Variants in SCP2 observed in about 807,000 individuals in gnomAD.
SCP2 encodes SCP-2/3-oxoacyl-CoA thiolase.
Under a neutral mutation model 71.4 loss-of-function variants are expected in SCP2, and 48 were observed. That is an observed-to-expected ratio of 0.67 (90% CI 0.53 to 0.86). The LOEUF (loss-of-function observed/expected upper bound fraction) is 0.86, where lower values mean the gene tolerates loss of function less well. SCP2 is among the 40% of genes least tolerant of loss of function. SCP2 has a pLI of 0.00. For missense variants in SCP2, 560 were observed against 655.6 expected, an observed-to-expected ratio of 0.85 and a Z score of 1.59; for synonymous variants, 220 against 218.1, an observed-to-expected ratio of 1.01 and a Z score of -0.08.
At position 52,980,488 on chromosome 1, in the gene SCP2, T is replaced by C. The variant is rs1658389822; in HGVS notation, c.918T>C (p.Asp306=). 6.2e-7 allele frequency: 1 copy of C among 1,613,918 alleles called. No homozygotes were observed. The highest frequency in any genetic ancestry group is 8.5e-7 in the Non-Finnish European group (1 of 1,179,914). The change falls in exon 10 of 16, where the codon GAT becomes GAC. Residue 306 remains aspartate, a synonymous_variant. Coordinates refer to ENST00000371514, the MANE Select transcript of SCP2 (RefSeq NM_002979.5). ...ATATTGACGTAATAGAACTTCACGA[T>C]TGCTTTTCTACCAACGAACTCCTTA... ...PNDIDVIELH[D]CFSTNELLTY... is the part of the protein sequence containing the mutation.
chr1:52,950,355 C>T (rs908557647), intron 3 of SCP2, among the ~76,000 whole-genome samples: 27 of 152,228 alleles, frequency 1.8e-4, no homozygotes, highest in Non-Finnish European at 2.9e-4. Context: ...CTCCTGACCG[C>T]GTGATCTGCC....
intron 6 of SCP2, among the ~76,000 whole-genome samples, chr1:52,974,417 A>C (rs1485811509): frequency 6.6e-6 from 1 of 152,186 alleles, no homozygotes; most frequent in East Asian, 1.9e-4. Context: ...CTCTCAGTCT[A>C]GCGTACTGGG....
rs988657618 is a variant in SCP2 at position 53,005,400 on chromosome 1, C to T, written c.1082-9490C>T. Reference sequence around the variant, plus strand: ...GGGGCTGACCAACACCTCATACAGCCGGGTGTCCCTCTGAGATGAAGCATC... The same window carrying T: ...GGGGCTGACCAACACCTCATACAGCTGGGTGTCCCTCTGAGATGAAGCATC... On this transcript the variant is annotated intron_variant, in intron 11 of 15. Transcript: ENST00000371514. Among the ~76,000 whole-genome samples, 8 of 152,238 alleles carry T rather than the reference C, an allele frequency of 5.3e-5. No homozygotes were observed. In the South Asian group the frequency reaches 1.0e-3, roughly 20 times the overall value.
intron 11 of SCP2, 24 bp downstream of exon 11, chr1:52,988,160 A>G (rs1384438822): frequency 1.5e-5 from 17 of 1,166,344 alleles, no homozygotes; most frequent in Non-Finnish European, 1.9e-5. Flanking sequence ...CAGATTTCAT[A>G]CATTTTAAAA....
intron 11 of SCP2, among the ~76,000 whole-genome samples, chr1:52,997,005 G>T (rs1487433126): frequency 6.6e-6 from 1 of 151,418 alleles, no homozygotes; most frequent in African/African-American, 2.4e-5. Flanking sequence ...ATGTGACATT[G>T]CTCCAAGAGC....
intron 10 of SCP2, among the ~76,000 whole-genome samples, chr1:52,986,915 AT>A (rs1372348535): frequency 6.7e-6 from 1 of 150,268 alleles, no homozygotes; most frequent in Non-Finnish European, 1.5e-5. Context: ...ATATCACTTC[AT>A]TCACATGGAT....
intron 13 of SCP2, among the ~76,000 whole-genome samples, chr1:53,034,436 G>C (rs1443870121): frequency 1.3e-5 from 2 of 152,166 alleles, no homozygotes; most frequent in Admixed American, 6.5e-5. Flanking sequence ...ATTTGTGGTT[G>C]CCGGGGACTG....
chr1:52,990,111 A>G lies in SCP2; in HGVS notation c.1081+1975A>G, dbSNP rs538983773. On this transcript the variant is annotated intron_variant, in intron 11 of 15. Coordinates refer to ENST00000371514, the MANE Select transcript of SCP2 (RefSeq NM_002979.5). Reference sequence around the variant, plus strand: ...TGAGGGAAGAGAAAATTCAGTGGCCATGTGGGACAAAGATTACAGACTTTA... The same window carrying G: ...TGAGGGAAGAGAAAATTCAGTGGCCGTGTGGGACAAAGATTACAGACTTTA... Among the ~76,000 whole-genome samples the G allele has an allele frequency of 1.1e-4, 17 of 152,346 alleles. No individual in the cohort carries two copies. The East Asian group carries it at 3.3e-3, about 29-fold the overall frequency.
chr1:53,050,844 A>G lies in SCP2; in HGVS notation c.*140A>G, dbSNP rs1331013311. On this transcript the variant is annotated 3_prime_UTR_variant, in exon 16 of 16. Coordinates refer to ENST00000371514, the MANE Select transcript of SCP2 (RefSeq NM_002979.5). ...ATTTGTTTCTTAATGGGTGTGACCA[A>G]TCCTGTTTTTCCTATGCTCTGGGTG... 1.5e-5 allele frequency: 10 copies of G among 677,508 alleles called. No homozygotes were observed. Among genetic ancestry groups the G allele is most frequent in the Admixed American group, 6.4e-5 (3 of 46,652 alleles). 42.0% of individuals were successfully genotyped at this position (677,508 alleles called of 1,614,324 possible).
At chr1:53,039,480 TCA>T (rs1241813938) in intron 14 of SCP2, among the ~76,000 whole-genome samples, 1 of 152,212 alleles carries the variant, frequency 6.6e-6, no homozygotes, top group Non-Finnish European at 1.5e-5. Flanking sequence ...CTGTCCATAC[TCA>T]CAATCGCCAG....
At chr1:52,937,229 A>G (rs1482416218) in intron 1 of SCP2, among the ~76,000 whole-genome samples, 1 of 152,220 alleles carries the variant, frequency 6.6e-6, no homozygotes, top group Non-Finnish European at 1.5e-5. Context: ...GAAACATGTC[A>G]GTTTCTAACA....
intron 12 of SCP2, among the ~76,000 whole-genome samples, chr1:53,017,731 A>G (rs368286195): frequency 4.6e-5 from 7 of 152,386 alleles, no homozygotes; most frequent in East Asian, 1.9e-4. Context: ...AATTGTTTCT[A>G]TATAATGATT....
intron 5 of SCP2, among the ~76,000 whole-genome samples, chr1:52,956,605 CA>C (rs1655815200): frequency 6.6e-6 from 1 of 151,990 alleles, no homozygotes; most frequent in Non-Finnish European, 1.5e-5. Flanking sequence ...TCCTAGATGT[CA>C]GGGAAAGCAT....
chr1:52,995,531 C>A, intron 11 of SCP2: 1 of 445,486 alleles, frequency 2.2e-6, no homozygotes, highest in South Asian at 2.0e-5. Flanking sequence ...TTTGCCCTCT[C>A]ACCAGCTGTG....
intron 11 of SCP2, among the ~76,000 whole-genome samples, chr1:52,989,710 A>G (rs917671545): frequency 6.6e-5 from 10 of 152,336 alleles, no homozygotes; most frequent in Non-Finnish European, 1.5e-4. Flanking sequence ...ATTGTCGAGA[A>G]AAATCAGCCA....
intron 12 of SCP2, among the ~76,000 whole-genome samples, chr1:53,027,262 C>T (rs551253738): frequency 6.6e-6 from 1 of 152,018 alleles, no homozygotes; most frequent in Non-Finnish European, 1.5e-5. Context: ...AACATGTTGC[C>T]CAGGCTGGTC....
intron 3 of SCP2, among the ~76,000 whole-genome samples, chr1:52,950,082 T>A (rs577537246): frequency 3.9e-5 from 6 of 152,298 alleles, no homozygotes; most frequent in Non-Finnish European, 8.8e-5. Context: ...AATCATGGCC[T>A]TTAATCACTG....
At chr1:52,961,833 T>G (rs1386850152) in intron 6 of SCP2, among the ~76,000 whole-genome samples, 2 of 152,208 alleles carry the variant, frequency 1.3e-5, no homozygotes, top group Admixed American at 1.3e-4. Flanking sequence ...GGGAAGTACC[T>G]AGAGTACTCT....
In SCP2 at chr1:52,975,697, T is replaced by A. The variant is rs529009645; in HGVS notation, c.587+865T>A. ...AAAAGTTGGCTGAATTGCAGGTGAT[T>A]TGATTTTGCTTTTAAGGAACTAGTA... On this transcript the variant is annotated intron_variant, in intron 7 of 15. Transcript: ENST00000371514. Among the ~76,000 whole-genome samples, 23 of 152,368 alleles carry A rather than the reference T, an allele frequency of 1.5e-4. No homozygotes were observed. The East Asian group carries it at 4.2e-3, about 28-fold the overall frequency.
Sources: gnomAD v4.1 joint callset for allele counts (sites outside exome capture counted in the v4.1 genomes callset) on GRCh38, gnomAD v4.1.1 for gene constraint, MANE v1.5 for transcripts, NCBI Gene and HGNC (gene_info 2026-07-23, HGNC 2026-07-21) for gene names.